GPC3: variants seen among roughly 807,000 people sequenced by gnomAD.
The protein encoded by GPC3 is glypican 3, also known as glypican-3.
In GPC3, 3 loss-of-function variants were observed where a neutral mutation model predicts 34.4. The ratio of observed to expected loss-of-function variants is 0.09; its 90% CI spans 0.04 to 0.23. The LOEUF (loss-of-function observed/expected upper bound fraction) is 0.23, where lower values mean the gene tolerates loss of function less well. Ranked by LOEUF, GPC3 falls within the 10% of genes least tolerant of loss-of-function variation. The pLI, the probability that GPC3 is intolerant of heterozygous loss-of-function variation, is 1.00. For synonymous variants in GPC3, 177 were observed against 174.0 expected, an observed-to-expected ratio of 1.02 and a Z score of -0.13; for missense variants, 351 against 445.6, an observed-to-expected ratio of 0.79 and a Z score of 1.91.
chrX:133,556,379 T>C (rs1280394519), intron 7 of GPC3, among the ~76,000 whole-genome samples: 1 of 111,356 alleles, frequency 9.0e-6, no homozygotes, highest in Non-Finnish European at 1.9e-5. Context: ...TGTAATGTAA[T>C]GTCTTAGAAA....
At chrX:133,856,608 T>C (rs2075902780) in intron 2 of GPC3, among the ~76,000 whole-genome samples, 2 of 110,155 alleles carry the variant, frequency 1.8e-5, no homozygotes, top group African/African-American at 3.3e-5. Flanking sequence ...TTAAAATGCA[T>C]AGAAAAAGGA....
At chrX:133,605,172 T>TGG (rs112241052) in intron 6 of GPC3, among the ~76,000 whole-genome samples, 107 of 95,982 alleles carry the variant, frequency 1.1e-3, no homozygotes, top group African/African-American at 3.7e-3. Flanking sequence ...ACTTCACACG[T>TGG]GGGGGGGGGG....
chrX:133,589,282 C>T (rs958098579), intron 7 of GPC3, among the ~76,000 whole-genome samples: 1 of 111,734 alleles, frequency 8.9e-6, no homozygotes. Flanking sequence ...AGGGACCCTG[C>T]GGGAGGTAAT....
intron 1 of GPC3, among the ~76,000 whole-genome samples, chrX:133,977,517 T>A (rs2076521616): frequency 9.0e-6 from 1 of 111,548 alleles, no homozygotes; most frequent in South Asian, 3.8e-4. Context: ...TATCTGTCAC[T>A]CTAACTCTTT....
chrX:133,579,837 G>A (rs1184862368), intron 7 of GPC3, among the ~76,000 whole-genome samples: 1 of 112,010 alleles, frequency 8.9e-6, no homozygotes, highest in Admixed American at 9.5e-5. Flanking sequence ...CGCCCAGCCT[G>A]AACTGAGTTT....
At chrX:133,743,373 G>A (rs73564912) in intron 3 of GPC3, among the ~76,000 whole-genome samples, 4,053 of 112,516 alleles carry the variant, frequency 0.036, 195 homozygotes, top group African/African-American at 0.12. Context: ...TGTGATATTC[G>A]AATATGTTTT....
intron 1 of GPC3, among the ~76,000 whole-genome samples, chrX:133,956,815 A>G (rs185924844): frequency 4.5e-5 from 5 of 111,436 alleles, no homozygotes; most frequent in South Asian, 3.8e-4. Context: ...AAGTGCTATG[A>G]GTGGTTCAGA....
At chrX:133,917,955 G>C (rs2076232142) in intron 2 of GPC3, among the ~76,000 whole-genome samples, 1 of 111,837 alleles carries the variant, frequency 8.9e-6, no homozygotes, top group South Asian at 3.7e-4. Flanking sequence ...CTTAAGCAAA[G>C]TTTTCTTTCT....
chrX:133,945,148 T>C (rs912073149), intron 2 of GPC3, among the ~76,000 whole-genome samples: 5 of 111,552 alleles, frequency 4.5e-5, no homozygotes, highest in African/African-American at 1.6e-4. Flanking sequence ...TTTAACACTT[T>C]GGGAGGCCGA....
At chrX:133,880,207 G>A (rs1300505101) in intron 2 of GPC3, among the ~76,000 whole-genome samples, 1 of 112,300 alleles carries the variant, frequency 8.9e-6, no homozygotes, top group African/African-American at 3.2e-5. Flanking sequence ...ATATCCTGAA[G>A]GAAGCCAGCA....
chrX:133,936,145 G>A (rs1240159381), intron 2 of GPC3, among the ~76,000 whole-genome samples: 3 of 105,471 alleles, frequency 2.8e-5, no homozygotes, highest in African/African-American at 6.9e-5. Flanking sequence ...GGCTGTTCTC[G>A]AACTTCTGAG....
intron 2 of GPC3, among the ~76,000 whole-genome samples, chrX:133,882,535 T>TTG (rs3831709): frequency 0.071 from 7,541 of 105,683 alleles, 217 homozygotes; most frequent in African/African-American, 0.084. Flanking sequence ...TTTCTACAGT[T>TTG]TGTGTGTGTG....
At chrX:133,721,598 G>A (rs150015296) in intron 3 of GPC3, among the ~76,000 whole-genome samples, 2,111 of 110,896 alleles carry the variant, frequency 0.019, 34 homozygotes, top group Non-Finnish European at 0.028. Flanking sequence ...AATAGAAAAG[G>A]TAGAACACTT....
intron 1 of GPC3, among the ~76,000 whole-genome samples, chrX:133,960,067 G>A (rs764720088): frequency 9.0e-6 from 1 of 111,472 alleles, no homozygotes; most frequent in Non-Finnish European, 1.9e-5. Context: ...AGACTTCCAG[G>A]AGAAGGTGAG....
intron 7 of GPC3, among the ~76,000 whole-genome samples, chrX:133,560,476 C>T (rs181548345): frequency 1.8e-5 from 2 of 112,607 alleles, no homozygotes; most frequent in East Asian, 2.8e-4. Context: ...TGGTGGCTCA[C>T]GCCTGTAATC....
At chrX:133,685,757 GTTT>G (rs754793187) in intron 5 of GPC3, among the ~76,000 whole-genome samples, 1 of 95,480 alleles carries the variant, frequency 1.0e-5, no homozygotes. Context: ...TCATAACATA[GTTT>G]TTTTTTTTTT....
intron 2 of GPC3, among the ~76,000 whole-genome samples, chrX:133,808,375 GAAAT>G (rs2075646819): frequency 8.9e-6 from 1 of 112,101 alleles, no homozygotes; most frequent in African/African-American, 3.2e-5. Context: ...ATGTCTTGGG[GAAAT>G]AAAATGGGGG....
At chrX:133,788,607 G>A (rs747484169) in intron 2 of GPC3, among the ~76,000 whole-genome samples, 3 of 109,081 alleles carry the variant, frequency 2.8e-5, no homozygotes, top group Admixed American at 9.9e-5. Flanking sequence ...TGGTTGCCAC[G>A]CTACTTTTGG....
intron 2 of GPC3, among the ~76,000 whole-genome samples, chrX:133,868,415 C>T (rs2075978557): frequency 8.9e-6 from 1 of 111,820 alleles, no homozygotes; most frequent in African/African-American, 3.3e-5. Flanking sequence ...AAATGGTAGA[C>T]AATAGGCTAC....
Sources: gnomAD v4.1 joint callset for allele counts (sites outside exome capture counted in the v4.1 genomes callset) on GRCh38, gnomAD v4.1.1 for gene constraint, MANE v1.5 for transcripts, NCBI Gene and HGNC (gene_info 2026-07-23, HGNC 2026-07-21) for gene names.